The following SHLD2 variants were observed in gnomAD, a reference collection of about 807,000 sequenced individuals.
SHLD2 encodes RINN1-REV7-interacting novel NHEJ regulator 2.
In SHLD2, 30 loss-of-function variants were observed where a neutral mutation model predicts 73.2. The observed-to-expected ratio is 0.41, with a 90% CI of 0.31 to 0.56. SHLD2 has a LOEUF of 0.56. Ranked by LOEUF, SHLD2 falls within the 20% of genes least tolerant of loss-of-function variation. The pLI, the probability that SHLD2 is intolerant of heterozygous loss-of-function variation, is 0.28. For missense variants in SHLD2, 745 were observed against 1,055.9 expected (o/e 0.71, Z 4.08); for synonymous variants, 285 against 370.1 (o/e 0.77, Z 2.64).
At chr10:87,188,870 T>C (rs1848812844) in intron 9 of SHLD2, among the ~76,000 whole-genome samples, 1 of 152,210 alleles carries the variant, frequency 6.6e-6, no homozygotes, top group South Asian at 2.1e-4. Flanking sequence ...AGCCACTTTT[T>C]CCAGCTTTCT....
In SHLD2 at chr10:87,151,690, G is replaced by A; in HGVS notation, c.336G>A (p.Leu112=). ...IESQKIHSSR[L]SDITSSNMQI... ...CCCAGAAGATTCACTCCTCTAGACT[G>A]AGTGATATAACTAGCTCTAATATGC... The change falls in exon 3 of 10, where the codon CTG becomes CTA. Residue 112 remains leucine (L), a synonymous_variant. Transcript: ENST00000298786. 1.1e-5 allele frequency: 18 copies of A among 1,611,900 alleles called. No homozygotes were observed. The highest frequency in any genetic ancestry group is 1.4e-5 in the Non-Finnish European group (16 of 1,179,808).
intron 2 of SHLD2, among the ~76,000 whole-genome samples, chr10:87,145,351 A>G (rs1487820564): frequency 1.3e-5 from 2 of 152,208 alleles, no homozygotes; most frequent in East Asian, 3.9e-4. Context: ...TTTAACCAAC[A>G]AGGGATAGTA....
chr10:87,183,787 C>G (rs1291791310), intron 8 of SHLD2, among the ~76,000 whole-genome samples: 1 of 152,114 alleles, frequency 6.6e-6, no homozygotes. Flanking sequence ...CATGTCAGTC[C>G]ACTTCCTCCT....
chr10:87,167,291 T>C lies in SHLD2; in HGVS notation c.1634-3187T>C, dbSNP rs544984390. 5.1e-4 allele frequency among the ~76,000 whole-genome samples: 77 copies of C among 152,356 alleles called. 1 individual carries two copies. The highest frequency in any genetic ancestry group is 1.2e-3 in the Admixed American group (18 of 15,304). On this transcript the variant is annotated intron_variant, in intron 4 of 9. Coordinates refer to ENST00000298786, the MANE Select transcript of SHLD2 (RefSeq NM_001330112.2). ...AACTAATTAGATAATCTTTAGAAGT[T>C]ACTTCACAATCTTTGTTTTTACACA...
intron 6 of SHLD2, among the ~76,000 whole-genome samples, chr10:87,175,351 G>A (rs539773250): frequency 7.9e-5 from 12 of 151,478 alleles, no homozygotes; most frequent in Admixed American, 2.6e-4. Flanking sequence ...AATGATGACC[G>A]TTCAGGAGGG....
chr10:87,134,594 G>A (rs1481586234), intron 2 of SHLD2, among the ~76,000 whole-genome samples: 1 of 152,122 alleles, frequency 6.6e-6, no homozygotes, highest in African/African-American at 2.4e-5. Flanking sequence ...GGCCAGTGAC[G>A]AACTGGCATA....
rs1554829066 is a variant in SHLD2 at position 87,127,537 on chromosome 10, C to CG, written c.-5-23813_-5-23812insG. ...TTTTGTCCCTCTTACCCGCCCCCCC[C>CG]CACCCCGTCTGCCACCCCCCGCCTC... On this transcript the variant is annotated intron_variant, in intron 2 of 9. Coordinates refer to ENST00000298786, the MANE Select transcript of SHLD2 (RefSeq NM_001330112.2). Among the ~76,000 whole-genome samples, 43 of 76,870 alleles carry CG rather than the reference C, an allele frequency of 5.6e-4. 3 individuals are homozygous for CG. Among genetic ancestry groups the CG allele is most frequent in the African/African-American group, 2.2e-3 (38 of 17,490 alleles). The allele number at this position is 76,870 out of a possible 152,430, so 50.4% of individuals were successfully genotyped here. A position where few individuals can be genotyped will look rare whatever the true frequency, so the allele number is the denominator to read the frequency against.
chr10:87,149,338 A>G, intron 2 of SHLD2, among the ~76,000 whole-genome samples: 1 of 152,014 alleles, frequency 6.6e-6, no homozygotes, highest in Non-Finnish European at 1.5e-5. Context: ...TATACCAGTT[A>G]TTCCTTATGA....
intron 1 of SHLD2, among the ~76,000 whole-genome samples, chr10:87,096,110 G>A (rs1841853709): frequency 6.6e-6 from 1 of 152,104 alleles, no homozygotes. Flanking sequence ...GCACCATCTC[G>A]GCTCACTGCA....
At chr10:87,171,347 T>G (rs1017637579) in intron 6 of SHLD2, among the ~76,000 whole-genome samples, 26 of 152,230 alleles carry the variant, frequency 1.7e-4, no homozygotes, top group African/African-American at 6.3e-4. Context: ...ATAAGGCAGA[T>G]GTCAAGGGAG....
chr10:87,142,961 ACT>A (rs1845311930), intron 2 of SHLD2, among the ~76,000 whole-genome samples: 1 of 119,700 alleles, frequency 8.4e-6, no homozygotes, highest in African/African-American at 3.4e-5. Flanking sequence ...ACAGTGTCTC[ACT>A]CTGTCATCCA....
At chr10:87,148,565 GC>G (rs1409133941) in intron 2 of SHLD2, among the ~76,000 whole-genome samples, 18,087 of 127,858 alleles carry the variant, frequency 0.14, 1,289 homozygotes, top group Admixed American at 0.17. Flanking sequence ...TTGTGGGGGG[GC>G]GGGGGTTGGT....
chr10:87,133,380 TCTTA>T (rs567130724), intron 2 of SHLD2, among the ~76,000 whole-genome samples: 97 of 152,268 alleles, frequency 6.4e-4, no homozygotes, highest in African/African-American at 2.3e-3. Flanking sequence ...AATTTTTCCT[TCTTA>T]CTTATTTCTG....
chr10:87,100,859 A>G (rs1842223799), intron 2 of SHLD2, among the ~76,000 whole-genome samples: 1 of 152,084 alleles, frequency 6.6e-6, no homozygotes, highest in South Asian at 2.1e-4. Context: ...TGGTTATTCT[A>G]TCTCCATATG....
intron 7 of SHLD2, among the ~76,000 whole-genome samples, chr10:87,178,469 T>C (rs531898402): frequency 1.3e-5 from 2 of 151,572 alleles, no homozygotes; most frequent in East Asian, 3.9e-4. Flanking sequence ...AATCCCAGCA[T>C]TCTGGGAGGC....
chr10:87,151,680 C>T lies in SHLD2; in HGVS notation c.326C>T (p.Ser109Phe). ...TQNIESQKIH[S>F]SRLSDITSSN... ...AATATAGAATCCCAGAAGATTCACTCCTCTAGACTGAGTGATATAACTAGC... is the reference window on the plus strand; with the variant it reads ...AATATAGAATCCCAGAAGATTCACTTCTCTAGACTGAGTGATATAACTAGC... Residue 109 changes from serine (S) to phenylalanine (F), a missense_variant, in exon 3 of 10, where the codon TCC (serine) becomes TTC (phenylalanine). This residue lies in a region of SHLD2 where 280 missense variants were observed against 353.9 expected (regional missense o/e 0.79). Transcript: ENST00000298786. The T allele has an allele frequency of 6.2e-7, 1 of 1,611,768 alleles. No individual in the cohort carries two copies. Among genetic ancestry groups the T allele is most frequent in the South Asian group, 1.1e-5 (1 of 90,976 alleles).
rs1008242770 is a variant in SHLD2 at position 87,095,442 on chromosome 10, C to G, written c.-62+194C>G. On this transcript the variant is annotated intron_variant, in intron 1 of 9. Transcript: ENST00000298786. ...CCTTTCCGCCCGCGCGCCCTCGGAA[C>G]GGGCGGCCCACCCTGGCCTGTCCTC... Among the ~76,000 whole-genome samples the G allele has an allele frequency of 5.9e-5, 9 of 152,196 alleles. No homozygotes were observed. The South Asian group carries it at 1.9e-3, about 32-fold the overall frequency.
intron 9 of SHLD2, among the ~76,000 whole-genome samples, 188 bp downstream of exon 9, chr10:87,187,388 A>G (rs1848686346): frequency 6.6e-6 from 1 of 152,242 alleles, no homozygotes; most frequent in South Asian, 2.1e-4. Flanking sequence ...ACCTGTTAGT[A>G]CATGAACAGC....
intron 2 of SHLD2, among the ~76,000 whole-genome samples, chr10:87,117,409 C>A (rs1174481705): frequency 6.6e-6 from 1 of 152,084 alleles, no homozygotes; most frequent in African/African-American, 2.4e-5. Flanking sequence ...ACGAGTGAAA[C>A]TCAGTCTTAA....
Sources: allele counts gnomAD v4.1 joint callset (sites outside exome capture counted in the v4.1 genomes callset), GRCh38; gene constraint gnomAD v4.1.1; regional missense constraint gnomAD v4.1.1; transcripts MANE v1.5; gene names NCBI Gene and HGNC (gene_info 2026-07-23, HGNC 2026-07-21).